Variants in CNTN5 observed in about 807,000 individuals in gnomAD.
CNTN5 encodes the protein contactin-5.
Under a neutral mutation model 129.1 loss-of-function variants are expected in CNTN5, and 77 were observed. The ratio of observed to expected loss-of-function variants is 0.60; its 90% CI spans 0.50 to 0.72. The LOEUF is 0.72. CNTN5 is among the 30% of genes least tolerant of loss of function. The pLI is 0.00. For synonymous variants in CNTN5, 509 were observed against 465.6 expected, an observed-to-expected ratio of 1.09 and a Z score of -1.20; for missense variants, 1,478 against 1,328.8, an observed-to-expected ratio of 1.11 and a Z score of -1.75.
intron 9 of CNTN5, among the ~76,000 whole-genome samples, chr11:100,020,901 T>C (rs1275197042): frequency 3.3e-5 from 5 of 151,964 alleles, no homozygotes; most frequent in East Asian, 1.9e-4. Context: ...CTATAAAATA[T>C]TGATGAGAGA....
rs75763987 is a variant in CNTN5 at position 100,027,010 on chromosome 11, A to G, written c.980+24874A>G. 9.4e-3 allele frequency among the ~76,000 whole-genome samples: 1,431 copies of G among 151,842 alleles called. 19 individuals are homozygous for G. The highest frequency in any genetic ancestry group is 0.03 in the African/African-American group (1,238 of 41,428). On this transcript the variant is annotated intron_variant, in intron 9 of 24. Transcript: ENST00000524871. ...TGAAGTTTTTATCTCTAAAATTCTG[A>G]TTTGGATTTAAAAAAAAAATCTCTT...
At chr11:99,398,513 A>C (rs565726225) in intron 2 of CNTN5, among the ~76,000 whole-genome samples, 2 of 151,972 alleles carry the variant, frequency 1.3e-5, no homozygotes, top group Admixed American at 6.6e-5. Context: ...TGTGCTTCCA[A>C]TGTTCCAGCC....
At chr11:100,229,856 C>T (rs149295666) in intron 16 of CNTN5, among the ~76,000 whole-genome samples, 5 of 152,208 alleles carry the variant, frequency 3.3e-5, no homozygotes, top group Non-Finnish European at 7.4e-5. Context: ...ATAGAGGTTG[C>T]GTAGTTTTCC....
In CNTN5 at chr11:99,536,327, A is replaced by G. The variant is rs1947899139; in HGVS notation, c.-70-19818A>G. Among the ~76,000 whole-genome samples, 8 of 152,204 alleles carry G rather than the reference A, an allele frequency of 5.3e-5. No homozygotes were observed. The South Asian group carries it at 1.7e-3, about 32-fold the overall frequency. Reference sequence around the variant, plus strand: ...TAAATACTAAAGTTTCCTTTAACATATATAATATTTTGGAATTATAAAGCC... The same window carrying G: ...TAAATACTAAAGTTTCCTTTAACATGTATAATATTTTGGAATTATAAAGCC... On this transcript the variant is annotated intron_variant, in intron 2 of 24. Transcript: ENST00000524871.
chr11:100,258,874 G>A (rs886294380), intron 17 of CNTN5, among the ~76,000 whole-genome samples: 5 of 152,176 alleles, frequency 3.3e-5, no homozygotes, highest in African/African-American at 1.2e-4. Flanking sequence ...ACACTATGAA[G>A]AAGCTGCATC....
At chr11:100,006,640 A>C (rs938626294) in intron 9 of CNTN5, among the ~76,000 whole-genome samples, 2 of 152,124 alleles carry the variant, frequency 1.3e-5, no homozygotes, top group Admixed American at 1.3e-4. Flanking sequence ...TGCTGTTTTC[A>C]TCACATCTGC....
Position 99,556,218 on chromosome 11 carries a change from G to T in CNTN5, c.4G>T (p.Ala2Ser), listed in dbSNP as rs1410912183. The T allele has an allele frequency of 1.3e-6, 2 of 1,510,552 alleles. No homozygotes were observed. Among genetic ancestry groups the T allele is most frequent in the Admixed American group, 4.1e-5 (2 of 48,660 alleles). The allele number at this position is 1,510,552 out of a possible 1,614,324, so 93.6% of individuals were successfully genotyped here. ...CAGAAGATTCTAGTGACTGAGGATG[G>T]CTTCCTCTTGGAAACTAATGCTGTT... is the stretch of plus-strand genomic sequence containing the variant. M[A>S]SSWKLMLFLS... Residue 2 changes from alanine (A) to serine (S), a missense_variant, in exon 3 of 25, where the codon GCT (alanine) becomes TCT (serine). By Grantham distance (99) the Ala-to-Ser change is moderately conservative. Transcript: ENST00000524871.
chr11:100,122,731 G>T (rs1262905334), intron 13 of CNTN5, among the ~76,000 whole-genome samples: 1 of 152,050 alleles, frequency 6.6e-6, no homozygotes, highest in South Asian at 2.1e-4. Flanking sequence ...CAGAGGGGAG[G>T]TCAGAGCCAA....
intron 1 of CNTN5, among the ~76,000 whole-genome samples, chr11:99,210,040 C>T (rs948278855): frequency 6.6e-6 from 1 of 152,134 alleles, no homozygotes; most frequent in African/African-American, 2.4e-5. Context: ...AGTCAGAACT[C>T]CAAAGCTGAC....
At chr11:99,147,049 A>G (rs1200885124) in intron 1 of CNTN5, among the ~76,000 whole-genome samples, 2 of 150,174 alleles carry the variant, frequency 1.3e-5, no homozygotes, top group Admixed American at 1.3e-4. Flanking sequence ...AAAAAGAAGC[A>G]TGATATTTTG....
At chr11:99,745,768 T>G (rs1944036211) in intron 3 of CNTN5, among the ~76,000 whole-genome samples, 1 of 152,188 alleles carries the variant, frequency 6.6e-6, no homozygotes, top group African/African-American at 2.4e-5. Context: ...ATTGAAAATT[T>G]TTATTGCTTT....
Position 99,176,378 on chromosome 11 carries a change from C to T in CNTN5, c.-209-148968C>T, listed in dbSNP as rs927826302. ...TGACTTCTACATTTATTGCTCCAGA[C>T]CTTTCCTTAAACTCCAGATTTGTGT... On this transcript the variant is annotated intron_variant, in intron 1 of 24. Transcript: ENST00000524871. 6.6e-5 allele frequency among the ~76,000 whole-genome samples: 10 copies of T among 152,260 alleles called. No individual in the cohort carries two copies. The East Asian group carries it at 1.7e-3, about 26-fold the overall frequency.
At chr11:99,995,652 A>G (rs560816889) in intron 8 of CNTN5, among the ~76,000 whole-genome samples, 1 of 152,294 alleles carries the variant, frequency 6.6e-6, no homozygotes. Flanking sequence ...ACAAAGATGC[A>G]TCCATGCTCA....
Position 100,356,417 on chromosome 11 carries a change from G to C in CNTN5, c.*197G>C. The stretch of plus-strand genomic sequence containing the variant: ...TTTCTCTTTGGTTTTTGTAAACGGA[G>C]AGGACAGTTCTTAGTCCAGTAAAAA... On this transcript the variant is annotated 3_prime_UTR_variant, in exon 25 of 25. Transcript: ENST00000524871. The C allele has an allele frequency of 1.7e-6, 1 of 589,486 alleles. No individual in the cohort carries two copies. Among genetic ancestry groups the C allele is most frequent in the Admixed American group, 3.0e-5 (1 of 33,380 alleles). The allele number at this position is 589,486 out of a possible 1,614,324, so 36.5% of individuals were successfully genotyped here.
chr11:99,059,596 C>CTTCACA (rs5793964), intron 1 of CNTN5, among the ~76,000 whole-genome samples: 70,250 of 151,358 alleles, frequency 0.46, 16,557 homozygotes, highest in African/African-American at 0.49. Context: ...ATTCACACAC[C>CTTCACA]TTCTCATTGA....
At chr11:100,044,260 T>C (rs1248616695) in intron 9 of CNTN5, among the ~76,000 whole-genome samples, 1 of 152,118 alleles carries the variant, frequency 6.6e-6, no homozygotes, top group Non-Finnish European at 1.5e-5. Flanking sequence ...TCCATATCTT[T>C]GTTATTGTCA....
At position 100,341,096 on chromosome 11, in the gene CNTN5, C is replaced by T. The variant is rs746329224; in HGVS notation, c.2921C>T (p.Pro974Leu). The T allele has an allele frequency of 2.5e-6, 4 of 1,610,890 alleles. No homozygotes were observed. Among genetic ancestry groups the T allele is most frequent in the Admixed American group, 3.3e-5 (2 of 59,938 alleles). Residue 974 changes from proline to leucine, a missense_variant, in exon 23 of 25, where the codon CCT becomes CTT. Pro to Leu is a moderately conservative substitution (Grantham distance 98). Coordinates refer to ENST00000524871, the MANE Select transcript of CNTN5 (RefSeq NM_014361.4). ...EVSATTKKSP[P>L]SQAPSNLRWE... ...ACTTTCACTTTTTATTTTGCAGCTC[C>T]TAGTCAAGCACCTAGCAACCTCAGG...
rs1164297962 is a variant in CNTN5 at position 99,785,477 on chromosome 11, T to C, written c.56-34067T>C. 6.6e-5 allele frequency among the ~76,000 whole-genome samples: 10 copies of C among 152,260 alleles called. No homozygotes were observed. The South Asian group carries it at 2.1e-3, about 32-fold the overall frequency. ...GTTTTAGGTATGAAGTCTTTGCCCATGCGTATGTCCTGAATGATATTGCCT... is the reference window on the plus strand; with the variant it reads ...GTTTTAGGTATGAAGTCTTTGCCCACGCGTATGTCCTGAATGATATTGCCT... On this transcript the variant is annotated intron_variant, in intron 3 of 24. Transcript: ENST00000524871.
At chr11:100,013,467 A>T (rs546906715) in intron 9 of CNTN5, among the ~76,000 whole-genome samples, 1 of 152,302 alleles carries the variant, frequency 6.6e-6, no homozygotes, top group Non-Finnish European at 1.5e-5. Context: ...AAAAAGGACA[A>T]TTTTAACCAA....
Sources: gnomAD v4.1 joint callset for allele counts (sites outside exome capture counted in the v4.1 genomes callset) on GRCh38, gnomAD v4.1.1 for gene constraint, MANE v1.5 for transcripts, NCBI Gene and HGNC (gene_info 2026-07-23, HGNC 2026-07-21) for gene names.